The following NRXN1 variants were observed in gnomAD, a reference collection of about 807,000 sequenced individuals.
The protein encoded by NRXN1 is neurexin 1.
NRXN1 carries 39 observed loss-of-function variants against 150.9 expected under a neutral mutation model. The ratio of observed to expected loss-of-function variants is 0.26; its 90% CI spans 0.20 to 0.34. NRXN1 has a LOEUF of 0.34. Ranked by LOEUF, NRXN1 falls within the 10% of genes least tolerant of loss-of-function variation. NRXN1 has a pLI of 1.00. For synonymous variants in NRXN1, 924 were observed against 757.0 expected, an observed-to-expected ratio of 1.22 and a Z score of -3.62; for missense variants, 1,815 against 1,949.9, an observed-to-expected ratio of 0.93 and a Z score of 1.30.
At chr2:50,478,332 A>T (rs1311396577) in intron 15 of NRXN1, among the ~76,000 whole-genome samples, 1 of 152,212 alleles carries the variant, frequency 6.6e-6, no homozygotes, top group African/African-American at 2.4e-5. Flanking sequence ...GTAAACAAAT[A>T]TAAACTTCTA....
intron 8 of NRXN1, among the ~76,000 whole-genome samples, chr2:50,566,097 C>G (rs924530922): frequency 6.6e-6 from 1 of 152,212 alleles, no homozygotes; most frequent in Non-Finnish European, 1.5e-5. Flanking sequence ...CATAAACACA[C>G]GTTCCTCACT....
intron 17 of NRXN1, among the ~76,000 whole-genome samples, chr2:50,311,464 G>A (rs1012978163): frequency 6.6e-6 from 1 of 152,114 alleles, no homozygotes; most frequent in Non-Finnish European, 1.5e-5. Flanking sequence ...ATCCCCAGGA[G>A]CTCAAGAATG....
intron 21 of NRXN1, among the ~76,000 whole-genome samples, chr2:50,030,819 G>A (rs1239719134): frequency 6.6e-6 from 1 of 152,080 alleles, no homozygotes; most frequent in Non-Finnish European, 1.5e-5. Flanking sequence ...CTTTACTCAA[G>A]AGTTTTCTTG....
intron 19 of NRXN1, among the ~76,000 whole-genome samples, chr2:50,059,570 A>T (rs1694179426): frequency 6.6e-6 from 1 of 152,236 alleles, no homozygotes; most frequent in East Asian, 1.9e-4. Flanking sequence ...GTTAACTGCC[A>T]GGACAACGAG....
Position 51,026,438 on chromosome 2 carries a change from C to T in NRXN1, c.772+1064G>A, listed in dbSNP as rs201945811. On this transcript the variant is annotated intron_variant, in intron 2 of 22. Transcript: ENST00000401669. ...CTTGGTCATTGTCATGTAACAGCAC[C>T]GGCAAAACACACTGAAGACCGAATT... The T allele has an allele frequency of 1.9e-6, 3 of 1,604,938 alleles. No homozygotes were observed. The highest frequency in any genetic ancestry group is 2.6e-6 in the Non-Finnish European group (3 of 1,174,756).
At chr2:50,746,351 AG>A (rs1700027913) in intron 5 of NRXN1, among the ~76,000 whole-genome samples, 1 of 152,064 alleles carries the variant, frequency 6.6e-6, no homozygotes. Flanking sequence ...TGAGGTCAGG[AG>A]TTTGAGACCA....
At chr2:50,275,349 CTT>C (rs2070298493) in intron 17 of NRXN1, among the ~76,000 whole-genome samples, 1 of 152,120 alleles carries the variant, frequency 6.6e-6, no homozygotes, top group East Asian at 1.9e-4. Flanking sequence ...CAGATTGTAA[CTT>C]CAACAAAGAT....
intron 5 of NRXN1, among the ~76,000 whole-genome samples, chr2:50,786,765 T>C (rs1447065979): frequency 6.6e-6 from 1 of 152,154 alleles, no homozygotes; most frequent in African/African-American, 2.4e-5. Flanking sequence ...GATGCTATCA[T>C]ATTTTAATTA....
At chr2:50,916,362 C>G in intron 5 of NRXN1, among the ~76,000 whole-genome samples, 1 of 151,104 alleles carries the variant, frequency 6.6e-6, no homozygotes, top group East Asian at 2.0e-4. Flanking sequence ...ATTAAAGATC[C>G]AAATTTATCT....
chr2:50,592,657 C>T (rs1674480949), intron 8 of NRXN1, among the ~76,000 whole-genome samples: 3 of 152,316 alleles, frequency 2.0e-5, no homozygotes, highest in Admixed American at 6.5e-5. Context: ...GGCTATCACA[C>T]TCAGGGCTTA....
At chr2:50,556,970 T>C (rs995807129) in intron 8 of NRXN1, among the ~76,000 whole-genome samples, 6 of 152,208 alleles carry the variant, frequency 3.9e-5, no homozygotes, top group African/African-American at 9.7e-5. Flanking sequence ...TGGTCGATTG[T>C]TCCTGACCCC....
chr2:50,091,178 A>G (rs1267505083), intron 19 of NRXN1, 145 bp downstream of exon 19: 1 of 901,522 alleles, frequency 1.1e-6, no homozygotes, highest in Non-Finnish European at 1.8e-6. Flanking sequence ...TTAGGACAGC[A>G]TTACATTCAC....
At chr2:50,639,517 G>A (rs1055761994) in intron 5 of NRXN1, among the ~76,000 whole-genome samples, 4 of 151,576 alleles carry the variant, frequency 2.6e-5, no homozygotes, top group African/African-American at 7.3e-5. Flanking sequence ...CACCATGCCC[G>A]GACACTTTTC....
intron 17 of NRXN1, among the ~76,000 whole-genome samples, chr2:50,344,242 TA>T (rs2077761942): frequency 6.6e-6 from 1 of 152,170 alleles, no homozygotes. Flanking sequence ...CTGAGAGGCT[TA>T]TTTTTTATCC....
intron 5 of NRXN1, among the ~76,000 whole-genome samples, chr2:50,805,403 C>T (rs1667379992): frequency 1.3e-5 from 2 of 152,020 alleles, no homozygotes; most frequent in South Asian, 4.2e-4. Context: ...GCCTGTAATC[C>T]CAGCACTGTG....
chr2:50,637,368 T>C (rs1683383585), intron 5 of NRXN1, among the ~76,000 whole-genome samples: 1 of 152,156 alleles, frequency 6.6e-6, no homozygotes, highest in South Asian at 2.1e-4. Context: ...ATCTGAAGGG[T>C]AGTATAAAAC....
intron 5 of NRXN1, among the ~76,000 whole-genome samples, chr2:50,814,861 C>G (rs1668703422): frequency 6.6e-6 from 1 of 152,056 alleles, no homozygotes; most frequent in South Asian, 2.1e-4. Context: ...ATAAGCTGGA[C>G]ACCATCTGTT....
At chr2:50,424,413 G>T (rs948701382) in intron 17 of NRXN1, among the ~76,000 whole-genome samples, 1 of 151,668 alleles carries the variant, frequency 6.6e-6, no homozygotes. Flanking sequence ...TCAGAGAGAC[G>T]GTACCTGGAC....
At chr2:50,193,041 TTCTCA>T (rs2061545812) in intron 18 of NRXN1, among the ~76,000 whole-genome samples, 1 of 152,208 alleles carries the variant, frequency 6.6e-6, no homozygotes, top group Non-Finnish European at 1.5e-5. Flanking sequence ...AAGATTACTG[TTCTCA>T]TGTAAGAACA....
Sources: gnomAD v4.1 joint callset for allele counts (sites outside exome capture counted in the v4.1 genomes callset) on GRCh38, gnomAD v4.1.1 for gene constraint, MANE v1.5 for transcripts, NCBI Gene and HGNC (gene_info 2026-07-23, HGNC 2026-07-21) for gene names.